The following NAV2 variants were observed in gnomAD, a reference collection of about 807,000 sequenced individuals.
NAV2 encodes neuron navigator 2, also known as helicase, APC down-regulated 1.
Under a neutral mutation model 223.2 loss-of-function variants are expected in NAV2, and 54 were observed. The observed-to-expected ratio is 0.24, with a 90% confidence interval of 0.19 to 0.30. NAV2 has a LOEUF of 0.30. Among genes scored for constraint, NAV2 ranks in the 10% least tolerant of loss-of-function variants. The pLI, the probability that NAV2 is intolerant of heterozygous loss-of-function variation, is 1.00. For missense variants in NAV2, 2,806 were observed against 3,147.5 expected, an observed-to-expected ratio of 0.89 and a Z score of 2.60; for synonymous variants, 1,279 against 1,239.3, an observed-to-expected ratio of 1.03 and a Z score of -0.67.
chr11:20,106,143 A>ATGTGTGTGTG (rs377360217), intron 35 of NAV2, among the ~76,000 whole-genome samples: 4 of 68,666 alleles, frequency 5.8e-5, no homozygotes, highest in East Asian at 1.4e-3. Flanking sequence ...CCTTGTTCAT[A>ATGTGTGTGTG]TGTGTGTGTG....
In NAV2 at chr11:20,118,437, C is replaced by T; in HGVS notation, c.*179C>T. 1 of 660,958 alleles carries T rather than the reference C, an allele frequency of 1.5e-6. No individual in the cohort carries two copies. Among genetic ancestry groups the T allele is most frequent in the South Asian group, 1.8e-5 (1 of 56,208 alleles). 40.9% of individuals were successfully genotyped at this position (660,958 alleles called of 1,614,324 possible). A position where few individuals can be genotyped will look rare whatever the true frequency, so the allele number is the denominator to read the frequency against. On this transcript the variant is annotated 3_prime_UTR_variant, in exon 38 of 38. Transcript: ENST00000349880. ...GGTGCAGGCATCCCGGGCCAGCTGC[C>T]TGCGGACCGCTTCCTTCCACAGCGA...
At chr11:19,728,314 C>T (rs984536208) in intron 1 of NAV2, among the ~76,000 whole-genome samples, 5 of 152,178 alleles carry the variant, frequency 3.3e-5, no homozygotes, top group African/African-American at 4.8e-5. Context: ...AGTGGTTCTT[C>T]ACCAGCCGTG....
rs569446282 is a variant in NAV2, at chr11:19,859,137, C to CTTT, written c.439-9768_439-9766dup. On this transcript the variant is annotated intron_variant, in intron 3 of 37. Transcript: ENST00000349880. ...ATGGAGGAGTCCAAAATCATATTCTCTTTTTTTTTTTTTTTTTTTTTTATT... is the reference window on the plus strand; with the variant it reads ...ATGGAGGAGTCCAAAATCATATTCTCTTTTTTTTTTTTTTTTTTTTTTTTTATT... Among the ~76,000 whole-genome samples, 336 of 107,092 alleles carry CTTT rather than the reference C, an allele frequency of 3.1e-3. 8 individuals are homozygous for CTTT. The highest frequency in any genetic ancestry group is 8.6e-3 in the African/African-American group (253 of 29,270). The allele number at this position is 107,092 out of a possible 152,430, so 70.3% of individuals were successfully genotyped here. A position where few individuals can be genotyped will look rare whatever the true frequency, so the allele number is the denominator to read the frequency against.
chr11:19,995,021 T>G (rs1206579628), intron 11 of NAV2, among the ~76,000 whole-genome samples: 1 of 152,180 alleles, frequency 6.6e-6, no homozygotes, highest in Non-Finnish European at 1.5e-5. Context: ...ACATTATTTA[T>G]TTGGTGATGA....
At chr11:19,408,830 G>T (rs1319846962) in intron 1 of NAV2, among the ~76,000 whole-genome samples, 1 of 152,054 alleles carries the variant, frequency 6.6e-6, no homozygotes, top group Admixed American at 6.5e-5. Flanking sequence ...GGGGTGGGGG[G>T]ATGTTAATAC....
intron 1 of NAV2, among the ~76,000 whole-genome samples, chr11:19,750,667 C>T (rs2053730140): frequency 6.6e-6 from 1 of 152,182 alleles, no homozygotes; most frequent in South Asian, 2.1e-4. Flanking sequence ...CTATCTCTCA[C>T]TTCAGATAGA....
intron 1 of NAV2, among the ~76,000 whole-genome samples, chr11:19,490,771 G>C (rs2042598784): frequency 6.6e-6 from 1 of 152,240 alleles, no homozygotes; most frequent in African/African-American, 2.4e-5. Flanking sequence ...ATCTAGAATA[G>C]TGAAATTTTC....
chr11:19,563,803 TCA>T (rs2045177746), intron 1 of NAV2, among the ~76,000 whole-genome samples: 1 of 152,172 alleles, frequency 6.6e-6, no homozygotes, highest in South Asian at 2.1e-4. Flanking sequence ...TGCCTGAGCT[TCA>T]GACTCCTCCT....
chr11:19,388,896 A>T, intron 1 of NAV2, among the ~76,000 whole-genome samples: 1 of 152,228 alleles, frequency 6.6e-6, no homozygotes, highest in South Asian at 2.1e-4. Context: ...AGAAAGGTTA[A>T]GTACCTATCC....
intron 1 of NAV2, among the ~76,000 whole-genome samples, chr11:19,471,464 A>C (rs146325513): frequency 6.6e-6 from 1 of 152,318 alleles, no homozygotes; most frequent in African/African-American, 2.4e-5. Flanking sequence ...TGTGGTGTGT[A>C]CTTCAGGACT....
intron 1 of NAV2, among the ~76,000 whole-genome samples, chr11:19,581,886 G>A (rs944767476): frequency 6.6e-6 from 1 of 152,150 alleles, no homozygotes; most frequent in African/African-American, 2.4e-5. Context: ...ACCCAGTAAT[G>A]GGATGGCTGG....
chr11:19,803,015 A>G (rs1354198187), intron 1 of NAV2, among the ~76,000 whole-genome samples: 2 of 152,034 alleles, frequency 1.3e-5, no homozygotes, highest in African/African-American at 2.4e-5. Flanking sequence ...TTGCACAGAG[A>G]CGGTTGTGTG....
chr11:20,060,640 A>G (rs1333072079), intron 19 of NAV2, among the ~76,000 whole-genome samples: 1 of 152,242 alleles, frequency 6.6e-6, no homozygotes, highest in Non-Finnish European at 1.5e-5. Flanking sequence ...ACGTGGGCTC[A>G]GAGGGAGGAG....
intron 1 of NAV2, among the ~76,000 whole-genome samples, chr11:19,489,130 A>G (rs1354084170): frequency 6.6e-6 from 1 of 152,172 alleles, no homozygotes; most frequent in East Asian, 1.9e-4. Flanking sequence ...GGTTCCCTTT[A>G]CCCCACAGAA....
At chr11:19,744,702 A>T (rs886371897) in intron 1 of NAV2, among the ~76,000 whole-genome samples, 2 of 152,180 alleles carry the variant, frequency 1.3e-5, no homozygotes, top group African/African-American at 4.8e-5. Context: ...GAAAATTTGT[A>T]CAAAAACAAG....
chr11:19,654,369 T>G (rs2048056380), intron 1 of NAV2, among the ~76,000 whole-genome samples: 1 of 152,176 alleles, frequency 6.6e-6, no homozygotes, highest in African/African-American at 2.4e-5. Context: ...AATGACTTTC[T>G]TCACAGAATT....
chr11:19,965,191 G>A (rs1006402683), intron 10 of NAV2, among the ~76,000 whole-genome samples: 2 of 152,088 alleles, frequency 1.3e-5, no homozygotes, highest in Non-Finnish European at 2.9e-5. Context: ...ATTTGGGGGG[G>A]CGGGGCCACT....
At position 20,080,064 on chromosome 11, in the gene NAV2, G is replaced by C. The variant is rs143296630; in HGVS notation, c.5180G>C (p.Gly1727Ala). 107 of 1,613,432 alleles carry C rather than the reference G, an allele frequency of 6.6e-5. No individual in the cohort carries two copies. The African/African-American group carries it at 1.2e-3, about 19-fold the overall frequency. Reference sequence around the variant, plus strand: ...TGAAACACCCTGCCTTGGTCTCCAGGAAACGGCACTGCCCAGTCTGCAGAC... The same window carrying C: ...TGAAACACCCTGCCTTGGTCTCCAGCAAACGGCACTGCCCAGTCTGCAGAC... ...VINTPELNCK[G>A]NGTAQSADLR... is the part of the protein sequence containing the mutation. Residue 1727 changes from glycine (G) to alanine (A), a missense_variant and splice_region_variant, in exon 25 of 38, where the codon GGA (glycine) becomes GCA (alanine). Physicochemically the swap from Gly to Ala is moderately conservative, Grantham distance 60. This residue lies in a region of NAV2 where 824 missense variants were observed against 1,069.4 expected (regional missense o/e 0.77). Coordinates refer to ENST00000349880, the MANE Select transcript of NAV2 (RefSeq NM_145117.5).
In NAV2 at chr11:19,818,231, A is replaced by ATTTT. The variant is rs34649376; in HGVS notation, c.268-14225_268-14222dup. ...CTGTCCCACCTGTGTGTATTTAGTGATTTTTTTTTTTTTTTTTTTTTTTTT... is the reference window on the plus strand; with the variant it reads ...CTGTCCCACCTGTGTGTATTTAGTGATTTTTTTTTTTTTTTTTTTTTTTTTTTTT... On this transcript the variant is annotated intron_variant, in intron 1 of 37. Transcript: ENST00000349880. Among the ~76,000 whole-genome samples the ATTTT allele has an allele frequency of 5.0e-3, 282 of 56,038 alleles. 56 individuals are homozygous for ATTTT. The highest frequency in any genetic ancestry group is 0.016 in the African/African-American group (188 of 11,532). The allele number at this position is 56,038 out of a possible 152,430, so 36.8% of individuals were successfully genotyped here.
Sources: allele counts gnomAD v4.1 joint callset (sites outside exome capture counted in the v4.1 genomes callset), GRCh38; gene constraint gnomAD v4.1.1; regional missense constraint gnomAD v4.1.1; transcripts MANE v1.5; gene names NCBI Gene and HGNC (gene_info 2026-07-23, HGNC 2026-07-21).